Variants in ZNF710 observed in about 807,000 individuals in gnomAD.
ZNF710 encodes the protein zinc finger protein 710.
Under a neutral mutation model 50.6 loss-of-function variants are expected in ZNF710, and 13 were observed. The observed-to-expected ratio is 0.26, with a 90% CI of 0.17 to 0.41. The LOEUF (loss-of-function observed/expected upper bound fraction) is 0.41, where lower values mean the gene tolerates loss of function less well. ZNF710 is among the 10% of genes least tolerant of loss of function. The pLI is 1.00. For synonymous variants in ZNF710, 383 were observed against 397.0 expected (o/e 0.96, Z 0.42); for missense variants, 721 against 936.6 (o/e 0.77, Z 3.01).
intron 1 of ZNF710, among the ~76,000 whole-genome samples, chr15:90,058,870 C>A (rs1008620537): frequency 6.6e-6 from 1 of 152,086 alleles, no homozygotes; most frequent in Non-Finnish European, 1.5e-5. Flanking sequence ...AGGCAGAATT[C>A]TTTCTCTGGG....
At chr15:90,014,889 AATT>A (rs1898409141) in intron 1 of ZNF710, among the ~76,000 whole-genome samples, 1 of 149,090 alleles carries the variant, frequency 6.7e-6, no homozygotes. Context: ...CCATCAACTG[AATT>A]TTTTTTTTTT....
chr15:90,029,892 G>A (rs1451178962), intron 1 of ZNF710, among the ~76,000 whole-genome samples: 4 of 151,746 alleles, frequency 2.6e-5, no homozygotes, highest in Non-Finnish European at 4.4e-5. Context: ...TGGGATTACA[G>A]GCGTGACCCA....
rs990748587 is a variant in ZNF710, at chr15:90,077,280, T to G, written c.1826-2380T>G. On this transcript the variant is annotated intron_variant, in intron 4 of 4. Coordinates refer to ENST00000268154, the MANE Select transcript of ZNF710 (RefSeq NM_198526.4). ...TTTTTTTGAGACGGAGTCTTGCTCT[T>G]TCACCCAGGCTGGAGTGCAGTGGCG... Among the ~76,000 whole-genome samples, 231 of 146,286 alleles carry G rather than the reference T, an allele frequency of 1.6e-3. 2 individuals carry two copies. Among genetic ancestry groups the G allele is most frequent in the Non-Finnish European group, 8.7e-4 (58 of 66,722 alleles).
intron 1 of ZNF710, among the ~76,000 whole-genome samples, chr15:90,049,935 C>G (rs1260499363): frequency 2.0e-5 from 3 of 152,238 alleles, no homozygotes; most frequent in Non-Finnish European, 4.4e-5. Flanking sequence ...GGCTTCCACC[C>G]CTTGCATAGG....
chr15:90,007,973 T>A (rs962804831), intron 1 of ZNF710, among the ~76,000 whole-genome samples: 1 of 152,024 alleles, frequency 6.6e-6, no homozygotes, highest in Non-Finnish European at 1.5e-5. Flanking sequence ...AGAAAGTAAT[T>A]AGAAAACAAA....
chr15:89,999,294 G>A (rs557954898), upstream of ZNF710, among the ~76,000 whole-genome samples: 1 of 152,326 alleles, frequency 6.6e-6, no homozygotes, highest in East Asian at 1.9e-4. Context: ...AAAGCCAAAG[G>A]CCAAAGCAAG....
At chr15:90,054,584 C>T (rs1371158029) in intron 1 of ZNF710, among the ~76,000 whole-genome samples, 1 of 152,248 alleles carries the variant, frequency 6.6e-6, no homozygotes, top group East Asian at 1.9e-4. Context: ...CCCCCCATCC[C>T]AGAGGACTGC....
Position 90,034,848 on chromosome 15 carries a change from T to C in ZNF710, c.-28-32262T>C, listed in dbSNP as rs1317437016. Among the ~76,000 whole-genome samples, 3 of 152,100 alleles carry C rather than the reference T, an allele frequency of 2.0e-5. No homozygotes were observed. ...AGACCTCTTCCACATCGCCCCAAGGTCGGGCTGAAGAGATTTGGATCTTCT... is the reference window on the plus strand; with the variant it reads ...AGACCTCTTCCACATCGCCCCAAGGCCGGGCTGAAGAGATTTGGATCTTCT... On this transcript the variant is annotated intron_variant, in intron 1 of 4. Coordinates refer to ENST00000268154, the MANE Select transcript of ZNF710 (RefSeq NM_198526.4). This position sits in a 1 kb window ranked among gnomAD's most constrained non-coding sequence, Gnocchi z 4.0.
At chr15:90,066,158 A>G (rs552959830) in intron 1 of ZNF710, among the ~76,000 whole-genome samples, 3 of 152,306 alleles carry the variant, frequency 2.0e-5, no homozygotes, top group East Asian at 3.9e-4. Context: ...ATAGATGCAG[A>G]TGTTTATCGT....
At chr15:90,057,538 A>T (rs1444094995) in intron 1 of ZNF710, among the ~76,000 whole-genome samples, 1 of 151,928 alleles carries the variant, frequency 6.6e-6, no homozygotes, top group East Asian at 1.9e-4. Context: ...TCTACTAAAA[A>T]ATCCAAAAAT....
rs1484075718 is a variant in ZNF710 at position 90,068,819 on chromosome 15, A to C, written c.1458+224A>C. On this transcript the variant is annotated intron_variant, in intron 2 of 4. Transcript: ENST00000268154. The surrounding 1 kb of genome is among the most constrained non-coding windows in gnomAD (Gnocchi z 5.0). Reference sequence around the variant, plus strand: ...TTCAAAAACATGTATTTGGCCAGGCACAATGGCTCATGCCTGTAATCCCAG... The same window carrying C: ...TTCAAAAACATGTATTTGGCCAGGCCCAATGGCTCATGCCTGTAATCCCAG... 1.3e-5 allele frequency among the ~76,000 whole-genome samples: 2 copies of C among 152,380 alleles called. No individual in the cohort carries two copies. Among genetic ancestry groups the C allele is most frequent in the African/African-American group, 4.8e-5 (2 of 41,598 alleles).
At chr15:90,023,289 G>A (rs1050890040) in intron 1 of ZNF710, among the ~76,000 whole-genome samples, 1 of 152,224 alleles carries the variant, frequency 6.6e-6, no homozygotes, top group Non-Finnish European at 1.5e-5. Flanking sequence ...CCACTGGACA[G>A]CCTGGTGGCT....
chr15:90,012,955 GT>G (rs1567220143), intron 1 of ZNF710, among the ~76,000 whole-genome samples: 1 of 151,640 alleles, frequency 6.6e-6, no homozygotes, highest in African/African-American at 2.4e-5. Flanking sequence ...TATTAAACAC[GT>G]TTATTTTGTA....
intron 1 of ZNF710, among the ~76,000 whole-genome samples, chr15:90,064,103 A>T (rs1024864485): frequency 3.9e-5 from 6 of 152,238 alleles, no homozygotes; most frequent in Non-Finnish European, 1.5e-5. Flanking sequence ...ACTGCTGAAC[A>T]CATCATTTGC....
At chr15:90,001,069 C>T (rs1897998536), upstream of ZNF710, among the ~76,000 whole-genome samples, 1 of 151,380 alleles carries the variant, frequency 6.6e-6, no homozygotes, top group Admixed American at 6.6e-5. Context: ...CCACAGCAAA[C>T]AAAACCCTTT....
chr15:90,077,707 A>G (rs1487497960), intron 4 of ZNF710, among the ~76,000 whole-genome samples: 1 of 152,214 alleles, frequency 6.6e-6, no homozygotes, highest in East Asian at 1.9e-4. Context: ...TACAGGCACA[A>G]GTAACAGATA....
At chr15:90,032,386 G>A (rs938714651) in intron 1 of ZNF710, among the ~76,000 whole-genome samples, 2 of 152,156 alleles carry the variant, frequency 1.3e-5, no homozygotes, top group African/African-American at 4.8e-5. Context: ...GTAAATTCCA[G>A]GACATTTAAA....
intron 1 of ZNF710, among the ~76,000 whole-genome samples, chr15:90,018,875 T>C (rs1898529505): frequency 7.3e-6 from 1 of 137,462 alleles, no homozygotes; most frequent in Non-Finnish European, 1.7e-5. Flanking sequence ...AAGATGTCTC[T>C]GTCTAGTGGT....
rs970304462 is a variant in ZNF710 at position 90,062,958 on chromosome 15, A to C, written c.-28-4152A>C. Among the ~76,000 whole-genome samples, 1 of 152,100 alleles carries C rather than the reference A, an allele frequency of 6.6e-6. No homozygotes were observed. Among genetic ancestry groups the C allele is most frequent in the African/African-American group, 2.4e-5 (1 of 41,412 alleles). ...TTACAGGGTGGTGTGTGTTCTACTC[A>C]GCCAAGTCTCCAGGCCAGTGTAAAA... On this transcript the variant is annotated intron_variant, in intron 1 of 4. Coordinates refer to ENST00000268154, the MANE Select transcript of ZNF710 (RefSeq NM_198526.4). The surrounding 1 kb of genome is among the most constrained non-coding windows in gnomAD (Gnocchi z 5.6).
Sources: gnomAD v4.1 joint callset for allele counts (sites outside exome capture counted in the v4.1 genomes callset) on GRCh38, gnomAD v4.1.1 for gene constraint, Gnocchi (gnomAD v3.1) non-coding constraint, MANE v1.5 for transcripts, NCBI Gene and HGNC (gene_info 2026-07-23, HGNC 2026-07-21) for gene names.